Variants in MAGI2 observed in about 807,000 individuals in gnomAD.
MAGI2 encodes the protein membrane-associated guanylate kinase, WW and PDZ domain-containing protein 2.
Under a neutral mutation model 133.3 loss-of-function variants are expected in MAGI2, and 35 were observed. The observed-to-expected ratio is 0.26, with a 90% CI of 0.20 to 0.35. The LOEUF (loss-of-function observed/expected upper bound fraction) is 0.35. Among genes scored for constraint, MAGI2 ranks in the 10% least tolerant of loss-of-function variants. MAGI2 has a pLI of 1.00. For missense variants in MAGI2, 1,636 were observed against 1,863.4 expected (o/e 0.88, Z 2.25); for synonymous variants, 729 against 710.6 (o/e 1.03, Z -0.41).
chr7:78,580,233 A>G (rs1802695625), intron 3 of MAGI2, among the ~76,000 whole-genome samples: 1 of 152,216 alleles, frequency 6.6e-6, no homozygotes, highest in Non-Finnish European at 1.5e-5. Flanking sequence ...GCTAACTTAA[A>G]AAGAATCTGA....
At chr7:79,248,662 C>G (rs1225617600) in intron 1 of MAGI2, among the ~76,000 whole-genome samples, 1 of 151,924 alleles carries the variant, frequency 6.6e-6, no homozygotes, top group African/African-American at 2.4e-5. Flanking sequence ...AAAATATTAT[C>G]CAGTATCTCC....
chr7:78,937,351 G>T (rs925259705), intron 2 of MAGI2, among the ~76,000 whole-genome samples: 7 of 151,972 alleles, frequency 4.6e-5, no homozygotes, highest in African/African-American at 1.7e-4. Context: ...CCTTTTAATA[G>T]AATTCCAATT....
At chr7:78,570,486 A>G (rs1327144409) in intron 3 of MAGI2, among the ~76,000 whole-genome samples, 1 of 152,188 alleles carries the variant, frequency 6.6e-6, no homozygotes, top group Admixed American at 6.5e-5. Context: ...AAGCAGGACG[A>G]ATCAAGTAAA....
At chr7:78,650,879 G>A (rs1420574224) in intron 2 of MAGI2, among the ~76,000 whole-genome samples, 1 of 152,104 alleles carries the variant, frequency 6.6e-6, no homozygotes, top group Non-Finnish European at 1.5e-5. Context: ...GCATGCAATA[G>A]TCACTTTATT....
At chr7:79,312,614 G>A (rs1354856125) in intron 1 of MAGI2, among the ~76,000 whole-genome samples, 1 of 151,926 alleles carries the variant, frequency 6.6e-6, no homozygotes, top group Non-Finnish European at 1.5e-5. Flanking sequence ...CTTGTTTATT[G>A]TCTATAATTC....
At chr7:78,574,674 G>A (rs1268816212) in intron 3 of MAGI2, among the ~76,000 whole-genome samples, 1 of 152,190 alleles carries the variant, frequency 6.6e-6, no homozygotes, top group East Asian at 1.9e-4. Context: ...TTCTAAAGTA[G>A]AAAGCGTTCT....
At chr7:78,768,167 A>G (rs1825221175) in intron 2 of MAGI2, among the ~76,000 whole-genome samples, 1 of 152,216 alleles carries the variant, frequency 6.6e-6, no homozygotes, top group Non-Finnish European at 1.5e-5. Flanking sequence ...CTTTACAAAC[A>G]TGGTCCTCTA....
chr7:78,074,168 C>A (rs544071850), intron 21 of MAGI2, among the ~76,000 whole-genome samples: 1 of 152,258 alleles, frequency 6.6e-6, no homozygotes, highest in East Asian at 1.9e-4. Context: ...TGAGGTGGCA[C>A]CTGACGTTTA....
intron 21 of MAGI2, among the ~76,000 whole-genome samples, chr7:78,033,254 T>C (rs983976833): frequency 1.3e-5 from 2 of 150,896 alleles, no homozygotes; most frequent in African/African-American, 4.9e-5. Context: ...GGACCCGGAG[T>C]TTTGTATTTG....
At chr7:79,189,951 ATTAT>A (rs1418917525) in intron 1 of MAGI2, among the ~76,000 whole-genome samples, 1 of 151,716 alleles carries the variant, frequency 6.6e-6, no homozygotes, top group Non-Finnish European at 1.5e-5. Context: ...TTATGGCTTA[ATTAT>A]TTATTTCTTT....
chr7:78,955,059 G>C (rs1191936793), intron 2 of MAGI2, among the ~76,000 whole-genome samples: 1 of 151,918 alleles, frequency 6.6e-6, no homozygotes. Flanking sequence ...ATGTACAATA[G>C]CTTATGTTCA....
intron 1 of MAGI2, among the ~76,000 whole-genome samples, chr7:79,421,057 A>T (rs1846922738): frequency 6.6e-6 from 1 of 152,066 alleles, no homozygotes; most frequent in Non-Finnish European, 1.5e-5. Context: ...AACAAAATGT[A>T]ACAACACCAG....
At chr7:79,162,695 T>G (rs371781396) in intron 1 of MAGI2, among the ~76,000 whole-genome samples, 2 of 152,196 alleles carry the variant, frequency 1.3e-5, no homozygotes, top group South Asian at 4.1e-4. Context: ...TCCTGGGTAT[T>G]TATCCCAATT....
At chr7:78,916,972 T>G (rs1237620810) in intron 2 of MAGI2, among the ~76,000 whole-genome samples, 1 of 152,122 alleles carries the variant, frequency 6.6e-6, no homozygotes, top group Non-Finnish European at 1.5e-5. Context: ...ACATAGTGTT[T>G]CAGAACATCC....
intron 1 of MAGI2, among the ~76,000 whole-genome samples, chr7:79,060,388 T>C (rs901106487): frequency 6.6e-6 from 1 of 152,078 alleles, no homozygotes; most frequent in Non-Finnish European, 1.5e-5. Flanking sequence ...TATGTAAATG[T>C]AATAATGGTA....
At chr7:78,832,995 T>C (rs1791324971) in intron 2 of MAGI2, among the ~76,000 whole-genome samples, 1 of 152,192 alleles carries the variant, frequency 6.6e-6, no homozygotes, top group South Asian at 2.1e-4. Context: ...TGCCCTCATC[T>C]TGCCACGGCT....
intron 1 of MAGI2, among the ~76,000 whole-genome samples, chr7:79,152,822 A>G (rs1414444663): frequency 6.6e-6 from 1 of 152,198 alleles, no homozygotes; most frequent in Non-Finnish European, 1.5e-5. Context: ...AGTAGAGCTT[A>G]TTGTAGAGAA....
intron 2 of MAGI2, among the ~76,000 whole-genome samples, chr7:78,906,541 C>T (rs1472784264): frequency 5.3e-5 from 8 of 152,198 alleles, no homozygotes; most frequent in African/African-American, 1.9e-4. Context: ...TCTCTACCAA[C>T]ATGGTTTATA....
At chr7:78,741,194 T>G (rs151218134) in intron 2 of MAGI2, among the ~76,000 whole-genome samples, 486 of 152,184 alleles carry the variant, frequency 3.2e-3, no homozygotes, top group Non-Finnish European at 5.1e-3. Flanking sequence ...ATGAAATATC[T>G]TCTTGTTGGG....
Sources: gnomAD v4.1 joint callset for allele counts (sites outside exome capture counted in the v4.1 genomes callset) on GRCh38, gnomAD v4.1.1 for gene constraint, MANE v1.5 for transcripts, NCBI Gene and HGNC (gene_info 2026-07-23, HGNC 2026-07-21) for gene names.